LHFPL6: variants seen among roughly 807,000 people sequenced by gnomAD.
The protein encoded by LHFPL6 is LHFPL tetraspan subfamily member 6.
In LHFPL6, 9 loss-of-function variants were observed where a neutral mutation model predicts 20.6. That is an observed-to-expected ratio of 0.44 (90% CI 0.26 to 0.76). The LOEUF (loss-of-function observed/expected upper bound fraction) is 0.76, where lower values mean the gene tolerates loss of function less well. LHFPL6 is among the 30% of genes least tolerant of loss of function. The pLI, the probability that LHFPL6 is intolerant of heterozygous loss-of-function variation, is 0.20. For synonymous variants in LHFPL6, 105 were observed against 98.7 expected (o/e 1.06, Z -0.38); for missense variants, 218 against 253.5 (o/e 0.86, Z 0.95).
intron 2 of LHFPL6, among the ~76,000 whole-genome samples, chr13:39,465,831 G>C (rs546223065): frequency 6.6e-6 from 1 of 152,218 alleles, no homozygotes; most frequent in South Asian, 2.1e-4. Context: ...CATGGTGAGA[G>C]AGAGTTCCTT....
At chr13:39,381,496 T>G (rs971987578) in intron 2 of LHFPL6, among the ~76,000 whole-genome samples, 1 of 152,084 alleles carries the variant, frequency 6.6e-6, no homozygotes, top group East Asian at 1.9e-4. Flanking sequence ...ACTCTCTAGA[T>G]ACTCCCCTCC....
chr13:39,396,486 G>T (rs115652841), intron 2 of LHFPL6, among the ~76,000 whole-genome samples: 39 of 152,254 alleles, frequency 2.6e-4, no homozygotes, highest in African/African-American at 9.4e-4. Context: ...ACTCTGATGT[G>T]ACTGGTGTCC....
At chr13:39,596,224 T>C (rs1006505268) in intron 2 of LHFPL6, among the ~76,000 whole-genome samples, 1 of 152,162 alleles carries the variant, frequency 6.6e-6, no homozygotes, top group Non-Finnish European at 1.5e-5. Flanking sequence ...AACAAGAATG[T>C]GCTAAATCAA....
At chr13:39,374,050 T>C (rs536187915) in intron 3 of LHFPL6, among the ~76,000 whole-genome samples, 22 of 152,198 alleles carry the variant, frequency 1.4e-4, no homozygotes, top group Admixed American at 1.1e-3. Context: ...AAATAAATCA[T>C]TCTACCAAAA....
At position 39,602,975 on chromosome 13, in the gene LHFPL6, G is replaced by C. The variant is rs574947209; in HGVS notation, c.-267C>G. 1 of 152,324 alleles carries C rather than the reference G, an allele frequency of 6.6e-6. No homozygotes were observed. Among genetic ancestry groups the C allele is most frequent in the Admixed American group, 6.5e-5 (1 of 15,300 alleles). The allele number at this position is 152,324 out of a possible 1,614,324, so 9.4% of individuals were successfully genotyped here. A position where few individuals can be genotyped will look rare whatever the true frequency, so the allele number is the denominator to read the frequency against. On this transcript the variant is annotated 5_prime_UTR_variant, in exon 1 of 4. Coordinates refer to ENST00000379589, the MANE Select transcript of LHFPL6 (RefSeq NM_005780.3). The stretch of plus-strand genomic sequence containing the variant: ...CGGGCGGGAACATCCACGGGAAACC[G>C]GACCGTCCTGCCCTTCTTTGCCTCT...
rs559862553 is a variant in LHFPL6, at chr13:39,431,377, C to T, written c.386-52851G>A. Among the ~76,000 whole-genome samples the T allele has an allele frequency of 3.3e-5, 5 of 152,304 alleles. No homozygotes were observed. In the South Asian group the frequency reaches 1.0e-3, roughly 32 times the overall value. ...CCATCTTTAAGAACTGTAACACTCACCGCCAGGGTCCACGGCTTCATTCTT... is the reference window on the plus strand; with the variant it reads ...CCATCTTTAAGAACTGTAACACTCATCGCCAGGGTCCACGGCTTCATTCTT... On this transcript the variant is annotated intron_variant, in intron 2 of 3. Transcript: ENST00000379589.
chr13:39,514,587 G>C (rs753710911), intron 2 of LHFPL6, among the ~76,000 whole-genome samples: 38 of 152,152 alleles, frequency 2.5e-4, no homozygotes, highest in Non-Finnish European at 4.3e-4. Flanking sequence ...CTGAAGAAAT[G>C]TGAGCCCCAA....
Position 39,371,919 on chromosome 13 carries a change from T to C in LHFPL6, c.484+6509A>G, listed in dbSNP as rs913764819. ...AGAAGCTTGTCCTCTCCTTTTGGCATGAACAAGGATGTTTAAAGCCACAAG... is the reference window on the plus strand; with the variant it reads ...AGAAGCTTGTCCTCTCCTTTTGGCACGAACAAGGATGTTTAAAGCCACAAG... On this transcript the variant is annotated intron_variant, in intron 3 of 3. Transcript: ENST00000379589. Among the ~76,000 whole-genome samples the C allele has an allele frequency of 1.7e-4, 26 of 152,334 alleles. 1 individual carries two copies. The highest frequency in any genetic ancestry group is 6.3e-4 in the African/African-American group (26 of 41,580).
At position 39,344,020 on chromosome 13, in the gene LHFPL6, C is replaced by CG. The variant is rs766679161; in HGVS notation, c.518dup (p.Ala175SerfsTer66). On this transcript the variant is annotated frameshift_variant, in exon 4 of 4. Coordinates refer to ENST00000379589, the MANE Select transcript of LHFPL6 (RefSeq NM_005780.3). LOFTEE classifies it high-confidence loss of function. ...GCATGGCGGCAGTGGCACCTGCTCC[C>CG]GTGCAGTAGTAGGCCCAGCCGATTT... 2 of 1,613,570 alleles carry CG rather than the reference C, an allele frequency of 1.2e-6. No homozygotes were observed. The highest frequency in any genetic ancestry group is 1.7e-6 in the Non-Finnish European group (2 of 1,179,886).
chr13:39,359,690 G>A (rs1047557575), intron 3 of LHFPL6, among the ~76,000 whole-genome samples: 4 of 152,012 alleles, frequency 2.6e-5, no homozygotes, highest in Admixed American at 2.0e-4. Flanking sequence ...TCACTTCTTC[G>A]GTGACGGATT....
intron 2 of LHFPL6, among the ~76,000 whole-genome samples, chr13:39,423,931 C>G (rs941177767): frequency 6.6e-6 from 1 of 152,042 alleles, no homozygotes; most frequent in Non-Finnish European, 1.5e-5. Context: ...GAAATTCGAC[C>G]CAGTAAAACC....
intron 3 of LHFPL6, among the ~76,000 whole-genome samples, chr13:39,377,271 C>A (rs1348580987): frequency 6.6e-6 from 1 of 152,164 alleles, no homozygotes; most frequent in African/African-American, 2.4e-5. Flanking sequence ...TACGAAGGGT[C>A]CTATGTCATG....
At chr13:39,390,338 GA>G (rs965902272) in intron 2 of LHFPL6, among the ~76,000 whole-genome samples, 26 of 147,812 alleles carry the variant, frequency 1.8e-4, no homozygotes, top group East Asian at 4.0e-4. Flanking sequence ...TCTTAAAAAA[GA>G]AAAAAAAAAT....
intron 2 of LHFPL6, among the ~76,000 whole-genome samples, chr13:39,521,547 T>C (rs1870105952): frequency 6.6e-6 from 1 of 152,078 alleles, no homozygotes; most frequent in Non-Finnish European, 1.5e-5. Context: ...AAAATTTTTA[T>C]ATAGCAATAG....
intron 2 of LHFPL6, among the ~76,000 whole-genome samples, chr13:39,485,039 G>C (rs1370625662): frequency 6.6e-6 from 1 of 151,978 alleles, no homozygotes; most frequent in African/African-American, 2.4e-5. Flanking sequence ...GATTTTCTAT[G>C]GCCTAGTTTC....
Position 39,415,015 on chromosome 13 carries a change from T to A in LHFPL6, c.386-36489A>T, listed in dbSNP as rs181009362. ...CACACAATGAAAAGGATCACTCTGA[T>A]TATAAAGTCTGAGTTTCCCTTTCTA... On this transcript the variant is annotated intron_variant, in intron 2 of 3. Transcript: ENST00000379589. Among the ~76,000 whole-genome samples, 612 of 152,320 alleles carry A rather than the reference T, an allele frequency of 4.0e-3. 5 individuals carry two copies. Among genetic ancestry groups the A allele is most frequent in the Non-Finnish European group, 7.3e-3 (497 of 68,032 alleles).
chr13:39,377,602 C>T (rs1394459988), intron 3 of LHFPL6, among the ~76,000 whole-genome samples: 3 of 152,202 alleles, frequency 2.0e-5, no homozygotes, highest in African/African-American at 7.2e-5. Flanking sequence ...GTAGGTTTAT[C>T]AAGCAAGTGA....
At chr13:39,425,148 T>C (rs1203608679) in intron 2 of LHFPL6, among the ~76,000 whole-genome samples, 1 of 152,170 alleles carries the variant, frequency 6.6e-6, no homozygotes, top group Non-Finnish European at 1.5e-5. Context: ...CTCTGGAGTT[T>C]AGAGAATATA....
chr13:39,527,241 T>G (rs1331325669), intron 2 of LHFPL6, among the ~76,000 whole-genome samples: 1 of 152,222 alleles, frequency 6.6e-6, no homozygotes, highest in South Asian at 2.1e-4. Flanking sequence ...CCTTCATGTC[T>G]TTTTTTCCTT....
Sources: gnomAD v4.1 joint callset for allele counts (sites outside exome capture counted in the v4.1 genomes callset) on GRCh38, gnomAD v4.1.1 for gene constraint, MANE v1.5 for transcripts, NCBI Gene and HGNC (gene_info 2026-07-23, HGNC 2026-07-21) for gene names.